KAT6A: variants seen among roughly 807,000 people sequenced by gnomAD.
KAT6A encodes lysine acetyltransferase 6A.
In KAT6A, 9 loss-of-function variants were observed where a neutral mutation model predicts 198.4. The observed-to-expected ratio is 0.05, with a 90% CI of 0.03 to 0.08. KAT6A has a LOEUF of 0.08. Among genes scored for constraint, KAT6A ranks in the 10% least tolerant of loss-of-function variants. The probability of loss-of-function intolerance (pLI) is 1.00; values close to 1 mark genes in which losing one functional copy is unlikely to be tolerated. For synonymous variants in KAT6A, 890 were observed against 883.0 expected (o/e 1.01, Z -0.14); for missense variants, 2,077 against 2,509.9 (o/e 0.83, Z 3.69).
At position 41,932,994 on chromosome 8, in the gene KAT6A, G is replaced by A. The variant is rs752976045; in HGVS notation, c.5226C>T (p.Gly1742=). The A allele has an allele frequency of 1.2e-6, 2 of 1,614,136 alleles. No individual in the cohort carries two copies. Among genetic ancestry groups the A allele is most frequent in the Admixed American group, 1.7e-5 (1 of 60,030 alleles). Residue 1742 remains glycine (G), a synonymous_variant, in exon 17 of 17, where the codon GGC becomes GGT. Coordinates refer to ENST00000265713, the MANE Select transcript of KAT6A (RefSeq NM_006766.5). ...AGGTGGCTGATGGTTGAGAGTAGCT[G>A]CCGGCACCAAAATCCCCTGGAATCC... ...YERIPGDFGA[G]SYSQPSATFS... is the part of the protein sequence containing the mutation.
chr8:41,957,546 G>A, intron 8 of KAT6A: 2 of 249,220 alleles, frequency 8.0e-6, no homozygotes, highest in Non-Finnish European at 1.6e-5. Context: ...TATAATCAAG[G>A]GCACAAAATA....
intron 15 of KAT6A, 55 bp from the exon 16 acceptor site, chr8:41,937,623 A>G: frequency 7.2e-7 from 1 of 1,382,498 alleles, no homozygotes; most frequent in East Asian, 2.3e-5. Flanking sequence ...TTTTCTATTA[A>G]TAATACGAAA....
At chr8:41,977,494 T>C (rs1252622993) in intron 6 of KAT6A, 167 bp from the exon 7 acceptor site, 1 of 504,878 alleles carries the variant, frequency 2.0e-6, no homozygotes, top group Non-Finnish European at 3.4e-6. Context: ...AAAATTAATA[T>C]TATTATTAGA....
At chr8:41,947,723 C>T (rs749926236) in intron 11 of KAT6A, 28 bp downstream of exon 11, 1 of 1,568,172 alleles carries the variant, frequency 6.4e-7, no homozygotes, top group East Asian at 2.3e-5. Flanking sequence ...TATATGAGTT[C>T]AAACAAACTT....
intron 14 of KAT6A, 29 bp downstream of exon 14, chr8:41,942,764 T>C: frequency 6.2e-7 from 1 of 1,606,822 alleles, no homozygotes; most frequent in Non-Finnish European, 8.5e-7. Flanking sequence ...TCTTCTGTCA[T>C]CAAAAATAGA....
At position 42,017,506 on chromosome 8, in the gene KAT6A, G is replaced by A. The variant is rs534355867; in HGVS notation, c.601-29943C>T. Among the ~76,000 whole-genome samples the A allele has an allele frequency of 1.2e-4, 18 of 152,198 alleles. No homozygotes were observed. The South Asian group carries it at 3.5e-3, about 30-fold the overall frequency. Reference sequence around the variant, plus strand: ...GAGGTAGTAGTGGGTAAGTCAAAGAGGCTTAAAAGATGAATATTCGCTATT... The same window carrying A: ...GAGGTAGTAGTGGGTAAGTCAAAGAAGCTTAAAAGATGAATATTCGCTATT... On this transcript the variant is annotated intron_variant, in intron 2 of 16. Coordinates refer to ENST00000265713, the MANE Select transcript of KAT6A (RefSeq NM_006766.5).
chr8:41,954,286 G>C (rs1822820403), intron 9 of KAT6A, among the ~76,000 whole-genome samples: 1 of 152,102 alleles, frequency 6.6e-6, no homozygotes, highest in Non-Finnish European at 1.5e-5. Context: ...TAGTTTCTTG[G>C]CAACAACCCA....
Position 41,933,670 on chromosome 8 carries a change from C to T in KAT6A, c.4550G>A (p.Gly1517Glu). Residue 1517 changes from glycine to glutamate, a missense_variant, in exon 17 of 17, where the codon GGA (glycine) becomes GAA (glutamate). This residue lies in a region of KAT6A where 178 missense variants were observed against 220.8 expected (regional missense o/e 0.81). Transcript: ENST00000265713. The surrounding 1 kb of genome is among the most constrained non-coding windows in gnomAD (Gnocchi z 6.2). Reference protein sequence around the residue: ...SGYTQISPEQGSLSAPSMQNM... With the variant: ...SGYTQISPEQESLSAPSMQNM... ...CTGCATAGAGGGTGCGGACAGGGAT[C>T]CTTGTTCTGGGCTGATCTGGGTGTA... The T allele has an allele frequency of 6.2e-7, 1 of 1,614,118 alleles. No homozygotes were observed.
intron 2 of KAT6A, among the ~76,000 whole-genome samples, chr8:42,034,064 G>A (rs562826274): frequency 6.6e-6 from 1 of 152,226 alleles, no homozygotes; most frequent in South Asian, 2.1e-4. Flanking sequence ...AAAGAAACTT[G>A]ACTAAACTAA....
At chr8:41,968,173 C>T (rs1016352832) in intron 8 of KAT6A, among the ~76,000 whole-genome samples, 2 of 152,206 alleles carry the variant, frequency 1.3e-5, no homozygotes, top group African/African-American at 4.8e-5. Context: ...AAACTACCAT[C>T]AGAGTGAACA....
chr8:41,954,439 T>G (rs1387262540), intron 9 of KAT6A, among the ~76,000 whole-genome samples: 1 of 152,370 alleles, frequency 6.6e-6, no homozygotes, highest in Admixed American at 6.5e-5. Flanking sequence ...TGATGTATTA[T>G]TTCTTGTAAC....
At chr8:42,018,573 A>G (rs144795826) in intron 2 of KAT6A, among the ~76,000 whole-genome samples, 50 of 152,288 alleles carry the variant, frequency 3.3e-4, no homozygotes, top group Admixed American at 1.0e-3. Flanking sequence ...ATAGCTACTA[A>G]CCATCTCTGT....
intron 8 of KAT6A, among the ~76,000 whole-genome samples, chr8:41,968,433 TCACACCA>T (rs1334969770): frequency 6.6e-6 from 1 of 152,110 alleles, no homozygotes; most frequent in Admixed American, 6.5e-5. Flanking sequence ...AGATATCATC[TCACACCA>T]GTTAGAATGG....
chr8:42,008,120 A>G (rs1825840113), intron 2 of KAT6A, among the ~76,000 whole-genome samples: 1 of 152,148 alleles, frequency 6.6e-6, no homozygotes, highest in Admixed American at 6.5e-5. Context: ...AAACATTTGC[A>G]AATTCTGTAC....
At chr8:41,991,046 A>G (rs1258306651) in intron 2 of KAT6A, among the ~76,000 whole-genome samples, 1 of 151,932 alleles carries the variant, frequency 6.6e-6, no homozygotes, top group Non-Finnish European at 1.5e-5. Flanking sequence ...CACTGCTGAC[A>G]GGAATATAAA....
intron 2 of KAT6A, among the ~76,000 whole-genome samples, chr8:42,016,963 C>T (rs115746267): frequency 0.012 from 1,833 of 152,140 alleles, 40 homozygotes; most frequent in South Asian, 0.082. Context: ...AATATCTCTT[C>T]AATAGTTTAA....
chr8:42,028,668 A>T (rs184996576), intron 2 of KAT6A, among the ~76,000 whole-genome samples: 34 of 152,182 alleles, frequency 2.2e-4, no homozygotes, highest in African/African-American at 6.3e-4. Context: ...ATTGGGTCTT[A>T]AAAAAAATCA....
At position 41,932,239 on chromosome 8, in the gene KAT6A, T is replaced by C. The variant is rs1469562059; in HGVS notation, c.5981A>G (p.Lys1994Arg). Reference sequence around the variant, plus strand: ...CATGTAAGGTCCGTTGAGTGACTGCTTGGGCACGCCAGCAGCGTTCATGTA... The same window carrying C: ...CATGTAAGGTCCGTTGAGTGACTGCCTGGGCACGCCAGCAGCGTTCATGTA... ...HSYMNAAGVP[K>R]QSLNGPYMRR Residue 1994 changes from lysine (K) to arginine (R), a missense_variant, in exon 17 of 17, where the codon AAG (lysine) becomes AGG (arginine). This residue lies in a region of KAT6A where 500 missense variants were observed against 577.2 expected (regional missense o/e 0.87). Transcript: ENST00000265713. 6.2e-7 allele frequency: 1 copy of C among 1,610,992 alleles called. No homozygotes were observed. Among genetic ancestry groups the C allele is most frequent in the Admixed American group, 1.7e-5 (1 of 59,492 alleles).
chr8:41,945,064 TTCCCTCAAATTACACAGA>T (rs1259406105), intron 12 of KAT6A, among the ~76,000 whole-genome samples: 2 of 152,202 alleles, frequency 1.3e-5, no homozygotes, highest in African/African-American at 4.8e-5. Flanking sequence ...AGGTAAAATA[TTCCCTCAAATTACACAGA>T]TCCCACAATG....
Sources: gnomAD v4.1 joint callset for allele counts (sites outside exome capture counted in the v4.1 genomes callset) on GRCh38, gnomAD v4.1.1 for gene constraint, gnomAD v4.1.1 regional missense constraint, Gnocchi (gnomAD v3.1) non-coding constraint, MANE v1.5 for transcripts, NCBI Gene and HGNC (gene_info 2026-07-23, HGNC 2026-07-21) for gene names.